MKLN1: variants seen among roughly 807,000 people sequenced by gnomAD.
MKLN1 encodes the protein muskelin 1, also known as muskelin.
MKLN1 carries 18 observed loss-of-function variants against 99.0 expected under a neutral mutation model. That is an observed-to-expected ratio of 0.18 (90% confidence interval 0.13 to 0.27). The LOEUF (loss-of-function observed/expected upper bound fraction) is 0.27. Ranked by LOEUF, MKLN1 falls within the 10% of genes least tolerant of loss-of-function variation. The pLI is 1.00. For synonymous variants in MKLN1, 288 were observed against 293.2 expected, an observed-to-expected ratio of 0.98 and a Z score of 0.18; for missense variants, 621 against 875.9, an observed-to-expected ratio of 0.71 and a Z score of 3.67.
chr7:131,193,429 G>A (rs891822423), intron 2 of MKLN1, among the ~76,000 whole-genome samples: 3 of 151,984 alleles, frequency 2.0e-5, no homozygotes, highest in Admixed American at 1.3e-4. Context: ...GCAGTGGTGC[G>A]ATCTCAGCTC....
chr7:131,286,070 C>T (rs575852729), intron 3 of MKLN1, among the ~76,000 whole-genome samples: 15 of 152,140 alleles, frequency 9.9e-5, no homozygotes, highest in African/African-American at 3.4e-4. Flanking sequence ...CGTGCCTCCA[C>T]CTCCCAAGGA....
chr7:131,333,064 C>T (rs1799126167), intron 1 of MKLN1, among the ~76,000 whole-genome samples: 1 of 152,162 alleles, frequency 6.6e-6, no homozygotes, highest in South Asian at 2.1e-4. Context: ...GCTGGTATTA[C>T]AGGCGTGCAC....
rs201121852 is a variant in MKLN1 at position 131,182,134 on chromosome 7, CA to C, written c.-296-20714del. On this transcript the variant is annotated intron_variant, in intron 2 of 7. Transcript: ENST00000416992. ...GGGTGACAGAGTGAAACTCCATCTC[CA>C]AAAAAAAACCCATCATAAATATGTT... Among the ~76,000 whole-genome samples, 25 of 149,926 alleles carry C rather than the reference CA, an allele frequency of 1.7e-4. No homozygotes were observed. In the East Asian group the frequency reaches 2.5e-3, roughly 15 times the overall value.
At chr7:131,182,664 G>C (rs1328273554) in intron 2 of MKLN1, among the ~76,000 whole-genome samples, 1 of 152,206 alleles carries the variant, frequency 6.6e-6, no homozygotes, top group Non-Finnish European at 1.5e-5. Flanking sequence ...ACAAATAAAT[G>C]AGTTGTTTTA....
chr7:131,200,706 A>G (rs17740733), intron 2 of MKLN1, among the ~76,000 whole-genome samples: 18,043 of 152,274 alleles, frequency 0.12, 1,154 homozygotes, highest in Non-Finnish European at 0.16. Context: ...TCAAAGTATT[A>G]GCACATTGGA....
At chr7:131,392,590 C>G (rs900698843) in intron 4 of MKLN1, among the ~76,000 whole-genome samples, 2 of 150,602 alleles carry the variant, frequency 1.3e-5, no homozygotes, top group Non-Finnish European at 3.0e-5. Flanking sequence ...TTTTTAGGAT[C>G]TCTCAGAACC....
At chr7:131,460,050 T>A (rs1011474327) in intron 12 of MKLN1, among the ~76,000 whole-genome samples, 2 of 152,178 alleles carry the variant, frequency 1.3e-5, no homozygotes, top group Non-Finnish European at 2.9e-5. Context: ...TCATTTGAAT[T>A]TTTTGGTCAT....
chr7:131,313,582 T>C (rs1412416655), intron 3 of MKLN1, among the ~76,000 whole-genome samples: 2 of 152,208 alleles, frequency 1.3e-5, no homozygotes, highest in African/African-American at 4.8e-5. Context: ...AGTAGTAACT[T>C]TATATCTCAA....
At chr7:131,420,930 A>G (rs1795172493) in intron 8 of MKLN1, among the ~76,000 whole-genome samples, 1 of 152,142 alleles carries the variant, frequency 6.6e-6, no homozygotes, top group Non-Finnish European at 1.5e-5. Context: ...ACTGCTGTAA[A>G]CCTTGATAAG....
chr7:131,433,759 G>A (rs1795595450), intron 9 of MKLN1, among the ~76,000 whole-genome samples: 1 of 152,106 alleles, frequency 6.6e-6, no homozygotes, highest in Admixed American at 6.6e-5. Flanking sequence ...AGTAATTCAT[G>A]AAGTCAGGTA....
At chr7:131,131,306 G>A (rs1795548671) in intron 1 of MKLN1, among the ~76,000 whole-genome samples, 1 of 151,860 alleles carries the variant, frequency 6.6e-6, no homozygotes. Flanking sequence ...GAGCCCAGGA[G>A]TTCAAGGCTG....
intron 3 of MKLN1, among the ~76,000 whole-genome samples, chr7:131,258,353 C>T (rs1797687239): frequency 6.6e-6 from 1 of 152,096 alleles, no homozygotes; most frequent in African/African-American, 2.4e-5. Context: ...GATTCTGTTG[C>T]TGGAGGAAGA....
intron 14 of MKLN1, among the ~76,000 whole-genome samples, chr7:131,464,725 G>T (rs10252174): frequency 0.02 from 2,989 of 152,282 alleles, 80 homozygotes; most frequent in African/African-American, 0.066. Context: ...AATATGTACA[G>T]TTGTCAGCAT....
chr7:131,394,047 A>G (rs557997930), intron 4 of MKLN1, among the ~76,000 whole-genome samples: 2 of 150,914 alleles, frequency 1.3e-5, no homozygotes, highest in East Asian at 3.9e-4. Flanking sequence ...TCTGACTCTT[A>G]TACTACTAGA....
intron 1 of MKLN1, among the ~76,000 whole-genome samples, chr7:131,113,330 G>A (rs1384482771): frequency 1.3e-5 from 2 of 152,154 alleles, no homozygotes; most frequent in African/African-American, 4.8e-5. Context: ...GGGAGTTGAG[G>A]GTGAAGAACA....
chr7:131,277,429 G>A (rs1328373600), intron 3 of MKLN1, among the ~76,000 whole-genome samples: 2 of 151,840 alleles, frequency 1.3e-5, no homozygotes, highest in Non-Finnish European at 1.5e-5. Flanking sequence ...GATTACCAGC[G>A]CCCACCACCA....
At chr7:131,419,252 G>GTTTTTTTTT (rs11482221) in intron 8 of MKLN1, among the ~76,000 whole-genome samples, 3 of 115,542 alleles carry the variant, frequency 2.6e-5, no homozygotes, top group African/African-American at 3.2e-5. Context: ...ATATATTTTT[G>GTTTTTTTTT]TTTTTTTTTT....
In MKLN1 at chr7:131,282,129, T is replaced by C. The variant is rs573599393; in HGVS notation, c.-179+79155T>C. 2.1e-3 allele frequency among the ~76,000 whole-genome samples: 326 copies of C among 151,864 alleles called. 1 individual carries two copies. The highest frequency in any genetic ancestry group is 3.9e-3 in the Admixed American group (60 of 15,264). On this transcript the variant is annotated intron_variant, in intron 3 of 7. Transcript: ENST00000416992. ...CTTTGGGAGGCCAAGGCGGGTGGAT[T>C]ACCTGAGTTTGGGAGTTTGAGACCA...
chr7:131,172,971 A>G (rs1796238299), intron 2 of MKLN1, among the ~76,000 whole-genome samples: 1 of 152,228 alleles, frequency 6.6e-6, no homozygotes, highest in African/African-American at 2.4e-5. Flanking sequence ...AGTTGATTAA[A>G]AATTACTTGA....
Sources: allele counts gnomAD v4.1 joint callset (sites outside exome capture counted in the v4.1 genomes callset), GRCh38; gene constraint gnomAD v4.1.1; transcripts MANE v1.5; gene names NCBI Gene and HGNC (gene_info 2026-07-23, HGNC 2026-07-21).